Variants in SEMA3E observed in about 807,000 individuals in gnomAD.
SEMA3E encodes semaphorin 3E.
SEMA3E carries 49 observed loss-of-function variants against 93.6 expected under a neutral mutation model. That is an observed-to-expected ratio of 0.52 (90% CI 0.42 to 0.66). The LOEUF is 0.66. SEMA3E is among the 30% of genes least tolerant of loss of function. The probability of loss-of-function intolerance (pLI) is 0.00; values close to 1 mark genes in which losing one functional copy is unlikely to be tolerated. For missense variants in SEMA3E, 906 were observed against 964.8 expected (o/e 0.94, Z 0.81); for synonymous variants, 363 against 330.7 (o/e 1.10, Z -1.06).
Position 83,639,200 on chromosome 7 carries a change from G to A in SEMA3E, c.115+9228C>T, listed in dbSNP as rs543924691. ...TAGATCTGATTCAGCAGCTCCCAGG[G>A]AATGCTGATGTTGCAGTCCATGGAC... On this transcript the variant is annotated intron_variant, in intron 1 of 16. Coordinates refer to ENST00000643230, the MANE Select transcript of SEMA3E (RefSeq NM_012431.3). 6.8e-4 allele frequency among the ~76,000 whole-genome samples: 102 copies of A among 149,202 alleles called. 1 individual carries two copies. In the Middle Eastern group the frequency reaches 0.011, roughly 16 times the overall value.
At chr7:83,412,780 A>AAAC (rs1201080508) in intron 5 of SEMA3E, among the ~76,000 whole-genome samples, 1 of 149,136 alleles carries the variant, frequency 6.7e-6, no homozygotes, top group African/African-American at 2.5e-5. Flanking sequence ...AAAAAAAAAC[A>AAAC]CACAGGATAA....
intron 4 of SEMA3E, among the ~76,000 whole-genome samples, chr7:83,449,726 TTC>T (rs1443945000): frequency 1.3e-5 from 2 of 152,182 alleles, no homozygotes; most frequent in Non-Finnish European, 2.9e-5. Context: ...CTCTTCCTGT[TTC>T]TCTTTTCTCA....
intron 1 of SEMA3E, among the ~76,000 whole-genome samples, chr7:83,635,959 C>A (rs1793875855): frequency 6.6e-6 from 1 of 150,846 alleles, no homozygotes; most frequent in Admixed American, 6.6e-5. Flanking sequence ...TCACTCTTTC[C>A]CAGTTCTGAC....
chr7:83,492,031 G>A (rs1163071612), intron 1 of SEMA3E, among the ~76,000 whole-genome samples: 1 of 151,916 alleles, frequency 6.6e-6, no homozygotes, highest in Non-Finnish European at 1.5e-5. Context: ...GCTGCCAAGT[G>A]GATTTTTAGA....
At chr7:83,413,864 C>G (rs1788490586) in intron 5 of SEMA3E, among the ~76,000 whole-genome samples, 1 of 151,972 alleles carries the variant, frequency 6.6e-6, no homozygotes, top group Non-Finnish European at 1.5e-5. Flanking sequence ...GATATTGATA[C>G]CATGAGGGTT....
chr7:83,620,279 A>G (rs1287778188), intron 1 of SEMA3E, among the ~76,000 whole-genome samples: 1 of 152,040 alleles, frequency 6.6e-6, no homozygotes, highest in African/African-American at 2.4e-5. Context: ...TTTACTAATC[A>G]AAAGTCAGAA....
intron 1 of SEMA3E, among the ~76,000 whole-genome samples, chr7:83,535,614 T>C (rs1175939943): frequency 6.6e-6 from 1 of 152,194 alleles, no homozygotes; most frequent in Non-Finnish European, 1.5e-5. Context: ...ATTGTTCTGA[T>C]ATTACAATCC....
intron 1 of SEMA3E, among the ~76,000 whole-genome samples, chr7:83,500,797 G>A (rs1790583839): frequency 6.6e-6 from 1 of 151,784 alleles, no homozygotes; most frequent in Admixed American, 6.6e-5. Context: ...CACCATGTTG[G>A]TCAGGCTGGT....
At chr7:83,648,020 A>G (rs909117121) in intron 1 of SEMA3E, among the ~76,000 whole-genome samples, 3 of 152,182 alleles carry the variant, frequency 2.0e-5, no homozygotes, top group Admixed American at 6.5e-5. Flanking sequence ...CCCTATTTCT[A>G]TAGCCCTTTC....
intron 1 of SEMA3E, among the ~76,000 whole-genome samples, chr7:83,611,404 A>G (rs912286079): frequency 2.8e-5 from 4 of 145,114 alleles, no homozygotes; most frequent in Admixed American, 7.1e-5. Flanking sequence ...ATATATATAT[A>G]TATCTCACAT....
intron 1 of SEMA3E, among the ~76,000 whole-genome samples, chr7:83,514,542 TA>T (rs1465198502): frequency 6.6e-6 from 1 of 152,114 alleles, no homozygotes. Flanking sequence ...TGTTGGTTTT[TA>T]AAAAAAGATA....
chr7:83,449,474 A>G (rs1043232674), intron 4 of SEMA3E, among the ~76,000 whole-genome samples: 1 of 151,936 alleles, frequency 6.6e-6, no homozygotes, highest in Non-Finnish European at 1.5e-5. Context: ...TTAATTTCAT[A>G]TACATATATA....
chr7:83,473,720 T>G (rs1163819407), intron 2 of SEMA3E, among the ~76,000 whole-genome samples: 1 of 152,218 alleles, frequency 6.6e-6, no homozygotes, highest in Non-Finnish European at 1.5e-5. Context: ...TTTCAGACTT[T>G]TCTTTTACAC....
chr7:83,400,395 CTTTTT>C (rs1009067540), intron 10 of SEMA3E, 145 bp from the exon 11 acceptor site: 53 of 772,960 alleles, frequency 6.9e-5, no homozygotes, highest in Non-Finnish European at 1.1e-4. Context: ...ATATATTTTT[CTTTTT>C]TTTTAACTTT....
intron 1 of SEMA3E, among the ~76,000 whole-genome samples, chr7:83,586,280 C>T (rs1197805818): frequency 2.0e-5 from 3 of 152,000 alleles, no homozygotes; most frequent in Admixed American, 6.6e-5. Flanking sequence ...GAAAGAGAAA[C>T]GCATTTACAA....
At chr7:83,455,614 C>T (rs896578765) in intron 4 of SEMA3E, among the ~76,000 whole-genome samples, 24 of 152,178 alleles carry the variant, frequency 1.6e-4, no homozygotes, top group African/African-American at 5.1e-4. Context: ...CCTGCGAATA[C>T]GGTAAGAAAT....
chr7:83,617,245 A>G (rs76443381), intron 1 of SEMA3E, among the ~76,000 whole-genome samples: 1 of 151,180 alleles, frequency 6.6e-6, no homozygotes, highest in African/African-American at 2.4e-5. Context: ...AGGTTTATAT[A>G]TAATCCTCCT....
intron 9 of SEMA3E, among the ~76,000 whole-genome samples, chr7:83,403,975 A>G (rs1185083552): frequency 2.6e-5 from 4 of 151,948 alleles, no homozygotes; most frequent in African/African-American, 9.7e-5. Flanking sequence ...GATTTCTCAG[A>G]AAGATCCATT....
At chr7:83,524,622 G>A (rs36061864) in intron 1 of SEMA3E, among the ~76,000 whole-genome samples, 79,699 of 151,420 alleles carry the variant, frequency 0.53, 23,258 homozygotes, top group Middle Eastern at 0.69. Context: ...GCTTATCCCT[G>A]AAAAAAAGTT....
Sources: gnomAD v4.1 joint callset for allele counts (sites outside exome capture counted in the v4.1 genomes callset) on GRCh38, gnomAD v4.1.1 for gene constraint, MANE v1.5 for transcripts, NCBI Gene and HGNC (gene_info 2026-07-23, HGNC 2026-07-21) for gene names.